COL6A6: variants seen among roughly 807,000 people sequenced by gnomAD.
The protein encoded by COL6A6 is collagen alpha-6(VI) chain.
A neutral mutation model predicts 208.6 loss-of-function variants in COL6A6; 183 were observed. That is an observed-to-expected ratio of 0.88 (90% CI 0.78 to 0.99). The LOEUF (loss-of-function observed/expected upper bound fraction) is 0.99, where lower values mean the gene tolerates loss of function less well. COL6A6 is among the 50% of genes least tolerant of loss of function. The pLI, the probability that COL6A6 is intolerant of heterozygous loss-of-function variation, is 0.00. For missense variants in COL6A6, 2,816 were observed against 2,815.2 expected (o/e 1.00, Z -0.01); for synonymous variants, 973 against 1,011.8 (o/e 0.96, Z 0.73).
rs1246251965 is a variant in COL6A6 at position 130,565,293 on chromosome 3, A to C, written c.961A>C (p.Ser321Arg). ...CAAAAAGCTCAGGAAGGAAGTTTTT[A>C]GTGCACGGAATGGCAGTCGGAAGAA... Reference protein sequence around the residue: ...AIKKLRKEVFSARNGSRKNQG... With the variant: ...AIKKLRKEVFRARNGSRKNQG... Residue 321 changes from serine (S) to arginine (R), a missense_variant, in exon 4 of 37, where the codon AGT becomes CGT. Coordinates refer to ENST00000358511, the MANE Select transcript of COL6A6 (RefSeq NM_001102608.3). The C allele has an allele frequency of 1.2e-6, 2 of 1,614,040 alleles. No homozygotes were observed. Among genetic ancestry groups the C allele is most frequent in the Admixed American group, 3.3e-5 (2 of 60,026 alleles).
rs79435878 is a variant in COL6A6 at position 130,543,315 on chromosome 3, G to A, written c.-31-17019G>A. Among the ~76,000 whole-genome samples, 914 of 152,224 alleles carry A rather than the reference G, an allele frequency of 6.0e-3. 4 individuals carry two copies. Among genetic ancestry groups the A allele is most frequent in the African/African-American group, 0.02 (816 of 41,532 alleles). On this transcript the variant is annotated intron_variant, in intron 1 of 36. Transcript: ENST00000358511. ...TCAGACAAACTGTCTTTTAATTGGG[G>A]CATTTAGACCATTGACATTCAAATG...
chr3:130,544,061 A>G (rs2062437426), intron 1 of COL6A6, among the ~76,000 whole-genome samples: 1 of 152,216 alleles, frequency 6.6e-6, no homozygotes, highest in Non-Finnish European at 1.5e-5. Context: ...CTACAATAGT[A>G]TATTATTAAC....
intron 1 of COL6A6, among the ~76,000 whole-genome samples, chr3:130,559,344 G>A (rs1243139061): frequency 1.3e-5 from 2 of 152,108 alleles, no homozygotes; most frequent in Non-Finnish European, 2.9e-5. Context: ...ACTCTACATC[G>A]TCTAGACTTG....
chr3:130,637,749 A>AT (rs2065200272), intron 28 of COL6A6, among the ~76,000 whole-genome samples: 1 of 152,080 alleles, frequency 6.6e-6, no homozygotes. Flanking sequence ...CTCAAAAAAC[A>AT]TTTTTTAAAT....
chr3:130,634,230 T>TAAAAAAAAAAAAAAAAAAAAAAAAAAAA (rs1241375395), intron 26 of COL6A6, among the ~76,000 whole-genome samples: 1 of 67,944 alleles, frequency 1.5e-5, no homozygotes, highest in African/African-American at 3.8e-5. Context: ...AATAAATAAA[T>TAAAAAAAAAAAAAAAAAAAAAAAAAAAA]AAATAAATAA....
chr3:130,579,400 A>G (rs1375206359), intron 8 of COL6A6, among the ~76,000 whole-genome samples: 1 of 152,158 alleles, frequency 6.6e-6, no homozygotes, highest in Non-Finnish European at 1.5e-5. Context: ...AGAGTTGCCA[A>G]AAGTAGTTTG....
intron 34 of COL6A6, among the ~76,000 whole-genome samples, 166 bp from the exon 35 acceptor site, chr3:130,661,471 G>A (rs2065928253): frequency 6.6e-6 from 1 of 152,050 alleles, no homozygotes; most frequent in Non-Finnish European, 1.5e-5. Flanking sequence ...TACTTTTGGG[G>A]GACAGATGCA....
chr3:130,595,176 C>A (rs2063819036), intron 18 of COL6A6, among the ~76,000 whole-genome samples: 2 of 151,598 alleles, frequency 1.3e-5, no homozygotes, highest in Middle Eastern at 3.4e-3. Context: ...GTAGGCAGGA[C>A]CCATGTTAAA....
At chr3:130,598,544 A>T in intron 19 of COL6A6, 114 bp downstream of exon 19, 1 of 720,348 alleles carries the variant, frequency 1.4e-6, no homozygotes, top group Non-Finnish European at 2.4e-6. Context: ...TATACTTGGT[A>T]CAGAAAAACC....
intron 28 of COL6A6, among the ~76,000 whole-genome samples, 160 bp from the exon 29 acceptor site, chr3:130,641,492 C>T (rs538157331): frequency 6.6e-6 from 1 of 152,094 alleles, no homozygotes; most frequent in South Asian, 2.1e-4. Context: ...AATATTTTTT[C>T]CTTCTTTATG....
At chr3:130,575,495 T>C (rs1258573815) in intron 8 of COL6A6, among the ~76,000 whole-genome samples, 1 of 152,186 alleles carries the variant, frequency 6.6e-6, no homozygotes, top group African/African-American at 2.4e-5. Flanking sequence ...TTTTGGTGAT[T>C]AATATGTCCA....
intron 33 of COL6A6, among the ~76,000 whole-genome samples, chr3:130,653,273 T>C (rs143398994): frequency 3.9e-5 from 6 of 152,324 alleles, no homozygotes; most frequent in Middle Eastern, 3.4e-3. Flanking sequence ...TTTACACTGC[T>C]GTGTGGCGTC....
At chr3:130,642,712 A>T in intron 29 of COL6A6, 120 bp from the exon 30 acceptor site, 2 of 833,684 alleles carry the variant, frequency 2.4e-6, no homozygotes. Context: ...TTTGCCTCTT[A>T]CAATTTAATG....
chr3:130,655,103 T>A (rs2065753191), intron 33 of COL6A6, among the ~76,000 whole-genome samples: 1 of 152,140 alleles, frequency 6.6e-6, no homozygotes, highest in African/African-American at 2.4e-5. Flanking sequence ...AAGTTATGTA[T>A]CTTGCAAGCT....
At chr3:130,535,007 T>C (rs906578348) in intron 1 of COL6A6, among the ~76,000 whole-genome samples, 1 of 152,178 alleles carries the variant, frequency 6.6e-6, no homozygotes, top group African/African-American at 2.4e-5. Flanking sequence ...TGTTGATTTA[T>C]TTTACCTCCT....
intron 20 of COL6A6, among the ~76,000 whole-genome samples, chr3:130,604,601 C>T (rs147854422): frequency 1.7e-4 from 26 of 152,196 alleles, no homozygotes; most frequent in Admixed American, 4.6e-4. Context: ...AAGTCTTTCT[C>T]ATCCATTAGG....
In COL6A6 at chr3:130,624,620, G is replaced by A. The variant is rs147078879; in HGVS notation, c.4879-1865G>A. On this transcript the variant is annotated intron_variant, in intron 24 of 36. Coordinates refer to ENST00000358511, the MANE Select transcript of COL6A6 (RefSeq NM_001102608.3). ...TAAAAATCAAGTTTATCTTACCAAGGATAGACATAGATAAAGGGACCCTAG... is the reference window on the plus strand; with the variant it reads ...TAAAAATCAAGTTTATCTTACCAAGAATAGACATAGATAAAGGGACCCTAG... Among the ~76,000 whole-genome samples, 579 of 152,294 alleles carry A rather than the reference G, an allele frequency of 3.8e-3. 1 individual carries two copies. Among genetic ancestry groups the A allele is most frequent in the African/African-American group, 0.013 (523 of 41,552 alleles).
rs550385985 is a variant in COL6A6, at chr3:130,580,866, C to T, written c.3548-695C>T. ...TATTTAACCTCAAAATGGCAGTGTCCGTGGCTTCTGGAATGGCTGAGCTCC... is the reference window on the plus strand; with the variant it reads ...TATTTAACCTCAAAATGGCAGTGTCTGTGGCTTCTGGAATGGCTGAGCTCC... On this transcript the variant is annotated intron_variant, in intron 8 of 36. Transcript: ENST00000358511. Among the ~76,000 whole-genome samples, 32 of 152,234 alleles carry T rather than the reference C, an allele frequency of 2.1e-4. No individual in the cohort carries two copies. In the South Asian group the frequency reaches 5.2e-3, roughly 25 times the overall value.
intron 24 of COL6A6, among the ~76,000 whole-genome samples, chr3:130,625,263 G>A (rs2064851483): frequency 6.6e-6 from 1 of 152,196 alleles, no homozygotes; most frequent in Admixed American, 6.5e-5. Context: ...AGTGCTGGTG[G>A]TCACTTGTCC....
Sources: gnomAD v4.1 joint callset for allele counts (sites outside exome capture counted in the v4.1 genomes callset) on GRCh38, gnomAD v4.1.1 for gene constraint, MANE v1.5 for transcripts, NCBI Gene and HGNC (gene_info 2026-07-23, HGNC 2026-07-21) for gene names.